The following ARFGEF1 variants were observed in gnomAD, a reference collection of about 807,000 sequenced individuals.
ARFGEF1 encodes ARF guanine nucleotide exchange factor 1, also known as brefeldin A-inhibited guanine nucleotide-exchange protein 1.
A neutral mutation model predicts 231.0 loss-of-function variants in ARFGEF1; 42 were observed. The observed-to-expected ratio is 0.18, with a 90% CI of 0.14 to 0.24. The LOEUF (loss-of-function observed/expected upper bound fraction) is 0.24, where lower values mean the gene tolerates loss of function less well. Among genes scored for constraint, ARFGEF1 ranks in the 10% least tolerant of loss-of-function variants. The pLI, the probability that ARFGEF1 is intolerant of heterozygous loss-of-function variation, is 1.00. For synonymous variants in ARFGEF1, 710 were observed against 732.3 expected (o/e 0.97, Z 0.49); for missense variants, 1,345 against 2,192.0 (o/e 0.61, Z 7.72).
chr8:67,202,806 G>A (rs1343297139), intron 36 of ARFGEF1, among the ~76,000 whole-genome samples: 1 of 152,114 alleles, frequency 6.6e-6, no homozygotes, highest in African/African-American at 2.4e-5. Context: ...ATGCCAATGA[G>A]TATCAACAAG....
intron 1 of ARFGEF1, among the ~76,000 whole-genome samples, chr8:67,329,157 C>T (rs1028927465): frequency 2.0e-5 from 3 of 151,994 alleles, no homozygotes; most frequent in Admixed American, 6.6e-5. Flanking sequence ...ACTCGAGAGG[C>T]GGAGATGGCC....
chr8:67,325,779 G>T (rs183912465), intron 1 of ARFGEF1, among the ~76,000 whole-genome samples: 4 of 152,286 alleles, frequency 2.6e-5, no homozygotes, highest in African/African-American at 7.2e-5. Flanking sequence ...GGGCAAAGAA[G>T]GGAAGGAAGA....
intron 10 of ARFGEF1, among the ~76,000 whole-genome samples, chr8:67,271,027 A>G (rs1805066478): frequency 7.1e-6 from 1 of 141,146 alleles, no homozygotes; most frequent in African/African-American, 2.7e-5. Context: ...TCCATCTCCA[A>G]AAAAAAAAAA....
intron 1 of ARFGEF1, among the ~76,000 whole-genome samples, chr8:67,338,632 A>G (rs563599222): frequency 7.0e-4 from 106 of 152,236 alleles, no homozygotes; most frequent in Non-Finnish European, 1.4e-3. Context: ...CATTTATTTC[A>G]GTCAACACTA....
chr8:67,231,693 T>C (rs191697406), intron 23 of ARFGEF1, among the ~76,000 whole-genome samples: 7 of 152,192 alleles, frequency 4.6e-5, no homozygotes, highest in Non-Finnish European at 8.8e-5. Context: ...CAGTAGTACA[T>C]GCAGGCTGAA....
At chr8:67,207,927 A>G (rs903664924) in intron 34 of ARFGEF1, among the ~76,000 whole-genome samples, 3 of 152,340 alleles carry the variant, frequency 2.0e-5, no homozygotes, top group African/African-American at 7.2e-5. Flanking sequence ...TCACAGTGGC[A>G]GGAAAGCAGA....
chr8:67,336,232 A>C (rs554697678), intron 1 of ARFGEF1, among the ~76,000 whole-genome samples: 1 of 152,236 alleles, frequency 6.6e-6, no homozygotes, highest in Non-Finnish European at 1.5e-5. Flanking sequence ...GCCTCTACTT[A>C]TAACACACTA....
At chr8:67,285,198 A>G (rs993582225) in intron 7 of ARFGEF1, among the ~76,000 whole-genome samples, 8 of 152,088 alleles carry the variant, frequency 5.3e-5, no homozygotes, top group African/African-American at 1.9e-4. Context: ...ATATCTGAGT[A>G]AGGCAAGGAT....
intron 13 of ARFGEF1, among the ~76,000 whole-genome samples, chr8:67,266,496 A>G (rs1384306778): frequency 6.6e-6 from 1 of 152,140 alleles, no homozygotes; most frequent in Admixed American, 6.6e-5. Flanking sequence ...ATTGTTTTCG[A>G]TAATACCAGT....
chr8:67,306,841 G>A (rs1225535700), intron 1 of ARFGEF1, among the ~76,000 whole-genome samples: 3 of 152,286 alleles, frequency 2.0e-5, no homozygotes, highest in East Asian at 1.9e-4. Context: ...GCAGTGGTGC[G>A]ATCTCAGCTT....
chr8:67,304,448 A>C (rs1806643545), intron 1 of ARFGEF1, among the ~76,000 whole-genome samples: 1 of 152,278 alleles, frequency 6.6e-6, no homozygotes, highest in South Asian at 2.1e-4. Context: ...AAAGGTTCAC[A>C]ATGATATTTA....
chr8:67,278,423 A>T lies in ARFGEF1; in HGVS notation c.1028-966T>A, dbSNP rs530231003. Among the ~76,000 whole-genome samples the T allele has an allele frequency of 2.0e-4, 31 of 152,304 alleles. 1 individual carries two copies. Among genetic ancestry groups the T allele is most frequent in the African/African-American group, 7.0e-4 (29 of 41,572 alleles). On this transcript the variant is annotated intron_variant, in intron 7 of 38. Coordinates refer to ENST00000262215, the MANE Select transcript of ARFGEF1 (RefSeq NM_006421.5). Reference sequence around the variant, plus strand: ...TACTCAATAAGTGGTAGTTATTACTAATTTTGTTACTAATTGATAACATGT... The same window carrying T: ...TACTCAATAAGTGGTAGTTATTACTTATTTTGTTACTAATTGATAACATGT...
chr8:67,328,429 C>T (rs1327078039), intron 1 of ARFGEF1, among the ~76,000 whole-genome samples: 1 of 152,050 alleles, frequency 6.6e-6, no homozygotes, highest in Non-Finnish European at 1.5e-5. Context: ...AGTTTGCACA[C>T]ACAAGTATTT....
rs375217963 is a variant in ARFGEF1 at position 67,325,007 on chromosome 8, G to T, written c.124+18157C>A. 1.1e-4 allele frequency among the ~76,000 whole-genome samples: 17 copies of T among 151,200 alleles called. No individual in the cohort carries two copies. The East Asian group carries it at 3.3e-3, about 29-fold the overall frequency. On this transcript the variant is annotated intron_variant, in intron 1 of 38. Transcript: ENST00000262215. ...TGGCTCACTGCAACCTCCGCCTCCT[G>T]CATTCAAGCAATTCTCCTGCCTCAG...
In ARFGEF1 at chr8:67,211,703, T is replaced by G. The variant is rs901804692; in HGVS notation, c.4687-88A>C. 1.1e-5 allele frequency: 8 copies of G among 736,016 alleles called. No individual in the cohort carries two copies. In the African/African-American group the frequency reaches 1.5e-4, roughly 14 times the overall value. The allele number at this position is 736,016 out of a possible 1,614,324, so 45.6% of individuals were successfully genotyped here. On this transcript the variant is annotated intron_variant, in intron 33 of 38. Transcript: ENST00000262215. ...TCTAAAACGCTATTTTAAAAAATTATATTATGTCCCTATGAAAATGATGTT... is the reference window on the plus strand; with the variant it reads ...TCTAAAACGCTATTTTAAAAAATTAGATTATGTCCCTATGAAAATGATGTT...
rs1221537685 is a variant in ARFGEF1, at chr8:67,204,832, C to A, written c.4820-13G>T. ...TGTTCTGGAAATTCTGTGAGGAAAC[C>A]CCCCCCAATGCACATGCAAACAAAA... is the stretch of plus-strand genomic sequence containing the variant. On this transcript the variant is annotated splice_polypyrimidine_tract_variant and intron_variant, in intron 34 of 38. Coordinates refer to ENST00000262215, the MANE Select transcript of ARFGEF1 (RefSeq NM_006421.5). 2.5e-6 allele frequency: 4 copies of A among 1,612,338 alleles called. No individual in the cohort carries two copies. The highest frequency in any genetic ancestry group is 3.3e-5 in the Admixed American group (2 of 59,934).
At chr8:67,322,263 A>T (rs759693736) in intron 1 of ARFGEF1, among the ~76,000 whole-genome samples, 10 of 152,192 alleles carry the variant, frequency 6.6e-5, no homozygotes, top group Non-Finnish European at 1.5e-4. Flanking sequence ...GTCTCTTAAA[A>T]TGCCAACCTT....
At chr8:67,212,623 C>A (rs1838789307) in intron 33 of ARFGEF1, among the ~76,000 whole-genome samples, 1 of 152,164 alleles carries the variant, frequency 6.6e-6, no homozygotes, top group African/African-American at 2.4e-5. Flanking sequence ...AACCTGGTTT[C>A]AGGAGGAGTG....
At chr8:67,302,369 A>G (rs1256460058) in intron 2 of ARFGEF1, 67 bp downstream of exon 2, 8 of 1,282,386 alleles carry the variant, frequency 6.2e-6, no homozygotes, top group Non-Finnish European at 7.5e-6. Flanking sequence ...ACAGATGACT[A>G]TATTATTTTG....
Sources: allele counts gnomAD v4.1 joint callset (sites outside exome capture counted in the v4.1 genomes callset), GRCh38; gene constraint gnomAD v4.1.1; transcripts MANE v1.5; gene names NCBI Gene and HGNC (gene_info 2026-07-23, HGNC 2026-07-21).